Variants in DCUN1D3 observed in about 807,000 individuals in gnomAD.
DCUN1D3 encodes DCN1-like protein 3.
In DCUN1D3, 6 loss-of-function variants were observed where a neutral mutation model predicts 24.8. That is an observed-to-expected ratio of 0.24 (90% CI 0.13 to 0.48). The LOEUF is 0.48. DCUN1D3 is among the 20% of genes least tolerant of loss of function. DCUN1D3 has a pLI of 0.99. For synonymous variants in DCUN1D3, 120 were observed against 144.9 expected (o/e 0.83, Z 1.24); for missense variants, 258 against 379.4 (o/e 0.68, Z 2.66).
intron 1 of DCUN1D3, among the ~76,000 whole-genome samples, chr16:20,891,605 G>A (rs1248222356): frequency 1.3e-5 from 2 of 152,192 alleles, no homozygotes; most frequent in African/African-American, 2.4e-5. Context: ...GCCGGCCTTC[G>A]AGGGGGCACA....
intron 1 of DCUN1D3, among the ~76,000 whole-genome samples, chr16:20,888,987 G>C (rs2081879369): frequency 6.6e-6 from 1 of 152,120 alleles, no homozygotes; most frequent in Non-Finnish European, 1.5e-5. Flanking sequence ...CAGCACTTTG[G>C]GAGGCCAAGG....
intron 1 of DCUN1D3, among the ~76,000 whole-genome samples, chr16:20,872,994 TA>T (rs2081796824): frequency 6.6e-6 from 1 of 152,096 alleles, no homozygotes; most frequent in Non-Finnish European, 1.5e-5. Flanking sequence ...CACATGCCTG[TA>T]ATCCCAGCTA....
intron 2 of DCUN1D3, 38 bp downstream of exon 2, chr16:20,862,070 C>T (rs1219811577): frequency 6.2e-7 from 1 of 1,600,974 alleles, no homozygotes; most frequent in East Asian, 2.2e-5. Flanking sequence ...CCCTTTCCTC[C>T]ACTGCTCACC....
chr16:20,869,885 G>A (rs898855603), intron 1 of DCUN1D3, among the ~76,000 whole-genome samples: 3 of 152,094 alleles, frequency 2.0e-5, no homozygotes, highest in Non-Finnish European at 4.4e-5. Context: ...TCCATCACTG[G>A]TCTCACTACT....
chr16:20,879,755 A>G (rs761162451), intron 1 of DCUN1D3, among the ~76,000 whole-genome samples: 13 of 152,258 alleles, frequency 8.5e-5, no homozygotes, highest in Non-Finnish European at 1.6e-4. Flanking sequence ...ATTTCTGGGT[A>G]TCATAAATTA....
rs2081711739 is a variant in DCUN1D3, at chr16:20,858,216, G to A, written c.*1670C>T. On this transcript the variant is annotated 3_prime_UTR_variant, in exon 3 of 3. Transcript: ENST00000324344. ...TTTTTAAATGGAAAAATAACAGGAGGACCCTCTAACTGAAACCAGGTAGGC... is the reference window on the plus strand; with the variant it reads ...TTTTTAAATGGAAAAATAACAGGAGAACCCTCTAACTGAAACCAGGTAGGC... The A allele has an allele frequency of 6.6e-6, 1 of 152,580 alleles. No individual in the cohort carries two copies. The highest frequency in any genetic ancestry group is 2.4e-5 in the African/African-American group (1 of 41,418). The allele number at this position is 152,580 out of a possible 1,614,324, so 9.5% of individuals were successfully genotyped here. A position where few individuals can be genotyped will look rare whatever the true frequency, so the allele number is the denominator to read the frequency against.
chr16:20,869,467 T>G (rs2081778106), intron 1 of DCUN1D3, among the ~76,000 whole-genome samples: 2 of 152,068 alleles, frequency 1.3e-5, no homozygotes, highest in African/African-American at 4.8e-5. Context: ...AAGAAAATAG[T>G]TGTTGCAGCT....
In DCUN1D3 at chr16:20,855,804, G is replaced by A. The variant is rs1446667424; in HGVS notation, c.*4082C>T. 4.6e-5 allele frequency: 7 copies of A among 152,144 alleles called. No homozygotes were observed. Among genetic ancestry groups the A allele is most frequent in the Non-Finnish European group, 8.8e-5 (6 of 68,032 alleles). 9.4% of individuals were successfully genotyped at this position (152,144 alleles called of 1,614,324 possible). A position where few individuals can be genotyped will look rare whatever the true frequency, so the allele number is the denominator to read the frequency against. On this transcript the variant is annotated 3_prime_UTR_variant, in exon 3 of 3. Transcript: ENST00000324344. ...AAAACACACTGTGGAATAAGAGGAG[G>A]ATCAATGTCGCATTTCCTCAATGAG... is the stretch of plus-strand genomic sequence containing the variant.
At chr16:20,890,913 A>AT (rs150298028) in intron 1 of DCUN1D3, among the ~76,000 whole-genome samples, 8,482 of 143,840 alleles carry the variant, frequency 0.059, 524 homozygotes, top group African/African-American at 0.16. Flanking sequence ...CCTGGTCAAA[A>AT]TTTTTTTTTT....
At chr16:20,886,938 T>C (rs1596639094) in intron 1 of DCUN1D3, among the ~76,000 whole-genome samples, 1 of 152,264 alleles carries the variant, frequency 6.6e-6, no homozygotes. Flanking sequence ...TTGACATGAC[T>C]TTAGTATCAT....
chr16:20,879,172 T>C (rs1451900991), intron 1 of DCUN1D3, among the ~76,000 whole-genome samples: 1 of 152,176 alleles, frequency 6.6e-6, no homozygotes, highest in Non-Finnish European at 1.5e-5. Flanking sequence ...TTTAACACAA[T>C]ATATTGAAAA....
At chr16:20,894,672 A>C (rs1279796236) in intron 1 of DCUN1D3, among the ~76,000 whole-genome samples, 1 of 152,210 alleles carries the variant, frequency 6.6e-6, no homozygotes, top group African/African-American at 2.4e-5. Flanking sequence ...AGACGAAGTC[A>C]TTGACATGTC....
At chr16:20,899,565 C>A (rs573443668) in intron 1 of DCUN1D3, among the ~76,000 whole-genome samples, 7 of 151,990 alleles carry the variant, frequency 4.6e-5, no homozygotes, top group Non-Finnish European at 1.5e-5. Context: ...TGCCACTCAG[C>A]CACAGAGAAT....
chr16:20,885,549 TA>T (rs71149189), intron 1 of DCUN1D3, among the ~76,000 whole-genome samples: 7,248 of 143,924 alleles, frequency 0.05, 221 homozygotes, highest in Non-Finnish European at 0.07. Flanking sequence ...ATTAAGGCTT[TA>T]AAAAAAAAAA....
chr16:20,857,498 G>C lies in DCUN1D3; in HGVS notation c.*2388C>G, dbSNP rs1203723259. On this transcript the variant is annotated 3_prime_UTR_variant, in exon 3 of 3. Transcript: ENST00000324344. ...GCTTTCTCTGATACACTCTGATCTG[G>C]GATGGAAAGGGCCTTATCTGGCCAA... The C allele has an allele frequency of 6.6e-6, 1 of 152,174 alleles. No homozygotes were observed. Among genetic ancestry groups the C allele is most frequent in the African/African-American group, 2.4e-5 (1 of 41,430 alleles). 9.4% of individuals were successfully genotyped at this position (152,174 alleles called of 1,614,324 possible). A position where few individuals can be genotyped will look rare whatever the true frequency, so the allele number is the denominator to read the frequency against.
intron 1 of DCUN1D3, among the ~76,000 whole-genome samples, chr16:20,866,091 G>C (rs888077976): frequency 6.6e-6 from 1 of 152,144 alleles, no homozygotes; most frequent in Admixed American, 6.5e-5. Context: ...TAAGACTACA[G>C]CTAGTAAGCC....
At chr16:20,880,369 G>A (rs1277476559) in intron 1 of DCUN1D3, among the ~76,000 whole-genome samples, 2 of 152,084 alleles carry the variant, frequency 1.3e-5, no homozygotes, top group African/African-American at 4.8e-5. Context: ...GGAGACCAAG[G>A]CAGGAGGACT....
chr16:20,876,228 A>G (rs890771794), intron 1 of DCUN1D3, among the ~76,000 whole-genome samples: 71 of 152,128 alleles, frequency 4.7e-4, no homozygotes, highest in African/African-American at 1.6e-3. Context: ...CAGCCTCCCA[A>G]AGTGCTGGGA....
At chr16:20,875,210 G>GCATGCACA (rs1023736195) in intron 1 of DCUN1D3, among the ~76,000 whole-genome samples, 2 of 140,256 alleles carry the variant, frequency 1.4e-5, no homozygotes, top group African/African-American at 5.3e-5. Context: ...GTGCGCTCAT[G>GCATGCACA]CACACACACA....
Sources: gnomAD v4.1 joint callset for allele counts (sites outside exome capture counted in the v4.1 genomes callset) on GRCh38, gnomAD v4.1.1 for gene constraint, MANE v1.5 for transcripts, NCBI Gene and HGNC (gene_info 2026-07-23, HGNC 2026-07-21) for gene names.